Variants in TCERG1L observed in about 807,000 individuals in gnomAD.
The protein encoded by TCERG1L is transcription elongation regulator 1-like protein.
In TCERG1L, 37 loss-of-function variants were observed where a neutral mutation model predicts 56.3. The ratio of observed to expected loss-of-function variants is 0.66; its 90% CI spans 0.51 to 0.87. The LOEUF (loss-of-function observed/expected upper bound fraction) is 0.87, where lower values mean the gene tolerates loss of function less well. Among genes scored for constraint, TCERG1L ranks in the 40% least tolerant of loss-of-function variants. The probability of loss-of-function intolerance (pLI) is 0.00; values close to 1 mark genes in which losing one functional copy is unlikely to be tolerated. For missense variants in TCERG1L, 799 were observed against 774.2 expected (o/e 1.03, Z -0.38); for synonymous variants, 324 against 326.3 (o/e 0.99, Z 0.08).
intron 9 of TCERG1L, among the ~76,000 whole-genome samples, chr10:131,108,161 C>G (rs982735610): frequency 1.3e-5 from 2 of 152,224 alleles, no homozygotes; most frequent in African/African-American, 4.8e-5. Flanking sequence ...CTGGCTGGTA[C>G]CTGTCCAGAA....
intron 5 of TCERG1L, 46 bp downstream of exon 5, chr10:131,166,751 C>A (rs375621823): frequency 2.5e-6 from 4 of 1,589,018 alleles, no homozygotes. Flanking sequence ...GTCCTCCACA[C>A]CCAGGGTTTT....
intron 8 of TCERG1L, among the ~76,000 whole-genome samples, chr10:131,122,623 T>C (rs1845525102): frequency 6.6e-6 from 1 of 152,212 alleles, no homozygotes. Context: ...TCCATTTGGC[T>C]GCTCCTGCGT....
intron 4 of TCERG1L, among the ~76,000 whole-genome samples, chr10:131,248,500 C>CCA (rs1846066840): frequency 6.6e-6 from 1 of 152,180 alleles, no homozygotes; most frequent in African/African-American, 2.4e-5. Flanking sequence ...CACCCGTCAG[C>CCA]CACACCTGGT....
intron 4 of TCERG1L, among the ~76,000 whole-genome samples, chr10:131,172,992 T>C (rs867586292): frequency 4.0e-5 from 6 of 151,050 alleles, no homozygotes; most frequent in Non-Finnish European, 7.4e-5. Flanking sequence ...CTGGGTTCAA[T>C]TGATTATCTT....
intron 9 of TCERG1L, among the ~76,000 whole-genome samples, chr10:131,112,747 TTCCAGGCAG>T (rs2133387428): frequency 1.4e-5 from 2 of 142,514 alleles, no homozygotes; most frequent in African/African-American, 4.9e-5. Flanking sequence ...TGGAAGGTGA[TTCCAGGCAG>T]TCCTGGGAAC....
At chr10:131,277,014 T>A (rs1323029402) in intron 3 of TCERG1L, among the ~76,000 whole-genome samples, 1 of 152,258 alleles carries the variant, frequency 6.6e-6, no homozygotes. Flanking sequence ...CATGTCAATA[T>A]GACATAGCAA....
At chr10:131,165,168 G>C (rs990766206) in intron 5 of TCERG1L, among the ~76,000 whole-genome samples, 1 of 152,234 alleles carries the variant, frequency 6.6e-6, no homozygotes, top group Admixed American at 6.5e-5. Context: ...GAGTGAAGCT[G>C]CGTCTTGGTG....
chr10:131,166,847 C>A lies in TCERG1L; in HGVS notation c.895G>T (p.Ala299Ser), dbSNP rs753532844. 1 of 1,613,704 alleles carries A rather than the reference C, an allele frequency of 6.2e-7. No individual in the cohort carries two copies. Among genetic ancestry groups the A allele is most frequent in the Non-Finnish European group, 8.5e-7 (1 of 1,179,902 alleles). ...CTCTTCTGGGCCCGCAGCATCAGGG[C>A]AGGAGGGCGGGCCACTCGGCCCCGC... is the stretch of plus-strand genomic sequence containing the variant. ...TERGRVARPP[A>S]LMLRAQKSRD... Residue 299 changes from alanine to serine, a missense_variant, in exon 5 of 12, where the codon GCC becomes TCC. Ala to Ser is a moderately conservative substitution (Grantham distance 99). Coordinates refer to ENST00000368642, the MANE Select transcript of TCERG1L (RefSeq NM_174937.4).
intron 9 of TCERG1L, among the ~76,000 whole-genome samples, chr10:131,110,849 A>G (rs1672554673): frequency 2.0e-5 from 2 of 98,684 alleles, no homozygotes; most frequent in Admixed American, 9.3e-5. Flanking sequence ...CACATGTGGG[A>G]CGCCAAAGTC....
chr10:131,251,043 G>A (rs531612127), intron 4 of TCERG1L, among the ~76,000 whole-genome samples: 11 of 152,210 alleles, frequency 7.2e-5, no homozygotes, highest in South Asian at 2.1e-4. Flanking sequence ...CCGGCTTGTC[G>A]GAACATCATC....
At position 131,143,130 on chromosome 10, in the gene TCERG1L, G is replaced by A. The variant is rs78910470; in HGVS notation, c.1189+3376C>T. Reference sequence around the variant, plus strand: ...TCCAGAACTGTAAGATCATCACCTTGTGTGGCTTTTAGCCTCGTGGTGATA... The same window carrying A: ...TCCAGAACTGTAAGATCATCACCTTATGTGGCTTTTAGCCTCGTGGTGATA... On this transcript the variant is annotated intron_variant, in intron 7 of 11. Coordinates refer to ENST00000368642, the MANE Select transcript of TCERG1L (RefSeq NM_174937.4). Among the ~76,000 whole-genome samples the A allele has an allele frequency of 6.4e-3, 968 of 152,300 alleles. 17 individuals carry two copies. The highest frequency in any genetic ancestry group is 0.021 in the African/African-American group (892 of 41,568).
At chr10:131,154,130 C>A (rs976259655) in intron 6 of TCERG1L, among the ~76,000 whole-genome samples, 1 of 152,270 alleles carries the variant, frequency 6.6e-6, no homozygotes, top group Non-Finnish European at 1.5e-5. Flanking sequence ...GGATACCTGC[C>A]ATATTCCCTC....
chr10:131,257,355 A>T (rs897547628), intron 4 of TCERG1L, among the ~76,000 whole-genome samples: 1 of 152,236 alleles, frequency 6.6e-6, no homozygotes, highest in African/African-American at 2.4e-5. Flanking sequence ...CTGAAAGAGA[A>T]GCCCGGTTCA....
intron 9 of TCERG1L, among the ~76,000 whole-genome samples, chr10:131,112,568 C>G (rs1845422106): frequency 7.0e-6 from 1 of 142,498 alleles, no homozygotes; most frequent in African/African-American, 2.5e-5. Flanking sequence ...ATGGGGAACA[C>G]TCCTGGAGCC....
At chr10:131,094,216 G>T (rs935123909) in intron 11 of TCERG1L, among the ~76,000 whole-genome samples, 1 of 152,188 alleles carries the variant, frequency 6.6e-6, no homozygotes, top group Non-Finnish European at 1.5e-5. Context: ...AGGGACCAAG[G>T]CCTGGAGCCG....
chr10:131,255,408 T>C (rs1358473746), intron 4 of TCERG1L, among the ~76,000 whole-genome samples: 19 of 152,250 alleles, frequency 1.2e-4, no homozygotes, highest in Non-Finnish European at 1.5e-5. Flanking sequence ...AGATAATGCA[T>C]ATGCATATGG....
chr10:131,236,229 T>C (rs1845910698), intron 4 of TCERG1L, among the ~76,000 whole-genome samples: 1 of 152,262 alleles, frequency 6.6e-6, no homozygotes, highest in African/African-American at 2.4e-5. Flanking sequence ...GGGGATCATA[T>C]GCTCCAACCT....
At chr10:131,258,742 C>G (rs1161501263) in intron 4 of TCERG1L, among the ~76,000 whole-genome samples, 1 of 152,194 alleles carries the variant, frequency 6.6e-6, no homozygotes, top group Non-Finnish European at 1.5e-5. Context: ...TCTAACTGAA[C>G]ACGCATTATT....
intron 8 of TCERG1L, among the ~76,000 whole-genome samples, chr10:131,123,752 CG>C (rs1845537004): frequency 6.6e-6 from 1 of 152,130 alleles, no homozygotes; most frequent in African/African-American, 2.4e-5. Context: ...TGGTAGCACC[CG>C]GGGAGCCAGG....
Sources: allele counts gnomAD v4.1 joint callset (sites outside exome capture counted in the v4.1 genomes callset), GRCh38; gene constraint gnomAD v4.1.1; transcripts MANE v1.5; gene names NCBI Gene and HGNC (gene_info 2026-07-23, HGNC 2026-07-21).